Variants in PRKDC observed in about 807,000 individuals in gnomAD.
The protein encoded by PRKDC is DNA-dependent protein kinase catalytic subunit.
Under a neutral mutation model 486.9 loss-of-function variants are expected in PRKDC, and 82 were observed. The observed-to-expected ratio is 0.17, with a 90% CI of 0.14 to 0.20. The LOEUF is 0.20. Ranked by LOEUF, PRKDC falls within the 10% of genes least tolerant of loss-of-function variation. The pLI is 1.00. For missense variants in PRKDC, 4,504 were observed against 5,038.2 expected (o/e 0.89, Z 3.21); for synonymous variants, 1,895 against 1,837.0 (o/e 1.03, Z -0.81).
rs147895173 is a variant in PRKDC, at chr8:47,902,601, T to C, written c.3237A>G (p.Ser1079=). 5 of 1,600,448 alleles carry C rather than the reference T, an allele frequency of 3.1e-6. No individual in the cohort carries two copies. The highest frequency in any genetic ancestry group is 1.3e-5 in the African/African-American group (1 of 74,274). The change falls in exon 27 of 86, where the codon TCA becomes TCG. Residue 1079 remains serine, a synonymous_variant. Transcript: ENST00000314191. ...CCCTGTAGATATTATTAAAGGCAAGTGATGCTCCCAGCCTCTTGAAAGCAT... is the reference window on the plus strand; with the variant it reads ...CCCTGTAGATATTATTAAAGGCAAGCGATGCTCCCAGCCTCTTGAAAGCAT... The part of the protein sequence containing the change: ...HPNAFKRLGA[S]LAFNNIYREF...
chr8:47,858,687 C>A, intron 47 of PRKDC, 52 bp from the exon 48 acceptor site: 2 of 1,441,392 alleles, frequency 1.4e-6, no homozygotes, highest in Non-Finnish European at 1.8e-6. Context: ...AATAATGATA[C>A]ATTTTGATAT....
chr8:47,854,244 A>G, intron 50 of PRKDC, 30 bp from the exon 51 acceptor site: 1 of 1,606,822 alleles, frequency 6.2e-7, no homozygotes, highest in Non-Finnish European at 8.5e-7. Flanking sequence ...GAGAAAATTG[A>G]GACTGTTGCA....
At chr8:47,887,328 G>A (rs950167211) in intron 35 of PRKDC, among the ~76,000 whole-genome samples, 2 of 151,994 alleles carry the variant, frequency 1.3e-5, no homozygotes, top group African/African-American at 4.8e-5. Context: ...AAGTGGGATA[G>A]ACAAAACCTC....
chr8:47,903,268 A>G (rs909054281), intron 26 of PRKDC, among the ~76,000 whole-genome samples: 1 of 152,242 alleles, frequency 6.6e-6, no homozygotes, highest in African/African-American at 2.4e-5. Context: ...AGGCATGAAG[A>G]GCAGACCCCA....
chr8:47,927,065 T>C (rs935319399), intron 21 of PRKDC, 129 bp downstream of exon 21: 16 of 866,108 alleles, frequency 1.8e-5, no homozygotes, highest in African/African-American at 1.0e-4. Context: ...ATTACAAAAA[T>C]AGCAATCAAA....
intron 36 of PRKDC, among the ~76,000 whole-genome samples, chr8:47,883,757 C>T (rs1028761054): frequency 6.6e-6 from 1 of 152,234 alleles, no homozygotes; most frequent in African/African-American, 2.4e-5. Flanking sequence ...TGTCTCTCAT[C>T]TTTCAGTTTT....
chr8:47,858,980 G>A lies in PRKDC; in HGVS notation c.6214C>T (p.Arg2072Trp), dbSNP rs758087772. The change falls in exon 47 of 86, where the codon CGG becomes TGG. Residue 2072 changes from arginine to tryptophan, a missense_variant. Coordinates refer to ENST00000314191, the MANE Select transcript of PRKDC (RefSeq NM_006904.7). ...ATGRFRRREQ[R>W]DPTVHDDVLE... ...ACATCATCATGCACCGTGGGGTCCCGCTGCTCCTGCGAAAGGGAGGGCCCA... is the reference window on the plus strand; with the variant it reads ...ACATCATCATGCACCGTGGGGTCCCACTGCTCCTGCGAAAGGGAGGGCCCA... The A allele has an allele frequency of 1.7e-5, 27 of 1,612,412 alleles. No individual in the cohort carries two copies. In the East Asian group the frequency reaches 2.7e-4, roughly 16 times the overall value.
intron 70 of PRKDC, among the ~76,000 whole-genome samples, chr8:47,802,683 T>C (rs939586865): frequency 2.0e-5 from 3 of 151,366 alleles, no homozygotes; most frequent in African/African-American, 7.3e-5. Flanking sequence ...GATGGAGTCT[T>C]TCTCTGTCGT....
At chr8:47,898,424 G>A in intron 29 of PRKDC, 46 bp downstream of exon 29, 1 of 1,445,078 alleles carries the variant, frequency 6.9e-7, no homozygotes. Context: ...CTGTGAATTA[G>A]TTTTATGTTG....
At chr8:47,889,311 C>T in intron 32 of PRKDC, 89 bp from the exon 33 acceptor site, 1 of 1,152,070 alleles carries the variant, frequency 8.7e-7, no homozygotes, top group Non-Finnish European at 1.2e-6. Flanking sequence ...GGAACTTCTG[C>T]CTGACTAAGG....
chr8:47,868,679 T>G lies in PRKDC; in HGVS notation c.5364-3916A>C, dbSNP rs138704435. ...CGCAGAACGCCAAAATGAACAACTA[T>G]CTGTATAAAAAAGCACTTTCATAAG... On this transcript the variant is annotated intron_variant, in intron 40 of 85. Transcript: ENST00000314191. Among the ~76,000 whole-genome samples, 40 of 152,196 alleles carry G rather than the reference T, an allele frequency of 2.6e-4. No individual in the cohort carries two copies. In the East Asian group the frequency reaches 6.8e-3, roughly 26 times the overall value.
intron 10 of PRKDC, 45 bp from the exon 11 acceptor site, chr8:47,939,742 A>G: frequency 1.4e-6 from 2 of 1,427,628 alleles, no homozygotes; most frequent in East Asian, 4.9e-5. Flanking sequence ...TTTAATAGCA[A>G]TGGAATCTAT....
intron 59 of PRKDC, 119 bp from the exon 60 acceptor site, chr8:47,832,045 C>A: frequency 2.3e-6 from 2 of 852,946 alleles, no homozygotes; most frequent in East Asian, 2.5e-5. Flanking sequence ...AGGCAGCGAC[C>A]GGGAGCAGGA....
chr8:47,859,313 TCTG>T (rs747016557), intron 46 of PRKDC, among the ~76,000 whole-genome samples: 1 of 152,130 alleles, frequency 6.6e-6, no homozygotes, highest in South Asian at 2.1e-4. Flanking sequence ...GTCAGATGTC[TCTG>T]CTATGTGACC....
chr8:47,834,147 G>T (rs376462757), intron 59 of PRKDC, 49 bp downstream of exon 59: 263 of 1,601,690 alleles, frequency 1.6e-4, no homozygotes, highest in Admixed American at 3.0e-4. Flanking sequence ...GAGCTCTGCA[G>T]TAATTTAGTG....
At chr8:47,936,060 C>A (rs1157873424) in intron 12 of PRKDC, among the ~76,000 whole-genome samples, 160 bp from the exon 13 acceptor site, 2 of 151,198 alleles carry the variant, frequency 1.3e-5, no homozygotes, top group Admixed American at 6.6e-5. Context: ...ACTGTGATTG[C>A]CTTAAAAAAA....
At position 47,930,698 on chromosome 8, in the gene PRKDC, A is replaced by G; in HGVS notation, c.1866T>C (p.Ala622=). ...LHPAKPKDFS[A]FINLVEFCRE... ...TGCAAAATTCCACCAGGTTAATGAAAGCCGAAAAATCTTTAGGTTTAGCTG... is the reference window on the plus strand; with the variant it reads ...TGCAAAATTCCACCAGGTTAATGAAGGCCGAAAAATCTTTAGGTTTAGCTG... The change falls in exon 17 of 86, where the codon GCT becomes GCC. Residue 622 remains alanine (A), a synonymous_variant. Coordinates refer to ENST00000314191, the MANE Select transcript of PRKDC (RefSeq NM_006904.7). The G allele has an allele frequency of 6.3e-7, 1 of 1,580,210 alleles. No homozygotes were observed. The highest frequency in any genetic ancestry group is 1.2e-5 in the South Asian group (1 of 85,644).
intron 31 of PRKDC, among the ~76,000 whole-genome samples, chr8:47,892,165 C>T (rs764368710): frequency 5.9e-5 from 9 of 151,994 alleles, no homozygotes; most frequent in Admixed American, 2.6e-4. Flanking sequence ...CCACCGCGTC[C>T]GGCCATGAAC....
intron 7 of PRKDC, among the ~76,000 whole-genome samples, chr8:47,953,119 C>G (rs915557418): frequency 6.6e-6 from 1 of 151,882 alleles, no homozygotes; most frequent in Non-Finnish European, 1.5e-5. Flanking sequence ...CCACCCTGGG[C>G]TACGGAGCGA....
Sources: gnomAD v4.1 joint callset for allele counts (sites outside exome capture counted in the v4.1 genomes callset) on GRCh38, gnomAD v4.1.1 for gene constraint, MANE v1.5 for transcripts, NCBI Gene and HGNC (gene_info 2026-07-23, HGNC 2026-07-21) for gene names.